MAST4: variants seen among roughly 807,000 people sequenced by gnomAD.
MAST4 encodes the protein microtubule associated serine/threonine kinase family member 4, also known as microtubule-associated serine/threonine-protein kinase 4.
Under a neutral mutation model 162.7 loss-of-function variants are expected in MAST4, and 89 were observed. That is an observed-to-expected ratio of 0.55 (90% CI 0.46 to 0.65). MAST4 has a LOEUF of 0.65. Among genes scored for constraint, MAST4 ranks in the 30% least tolerant of loss-of-function variants. MAST4 has a pLI of 0.00. For synonymous variants in MAST4, 1,479 were observed against 1,361.1 expected, an observed-to-expected ratio of 1.09 and a Z score of -1.91; for missense variants, 3,153 against 3,374.0, an observed-to-expected ratio of 0.93 and a Z score of 1.62.
intron 1 of MAST4, among the ~76,000 whole-genome samples, chr5:66,712,753 G>GA (rs1430014763): frequency 6.6e-6 from 1 of 151,960 alleles, no homozygotes; most frequent in Non-Finnish European, 1.5e-5. Context: ...CTTTTAGAAG[G>GA]AAAAAATAAA....
chr5:67,119,189 A>G (rs7723192), intron 13 of MAST4, among the ~76,000 whole-genome samples: 2,489 of 152,064 alleles, frequency 0.016, 43 homozygotes, highest in African/African-American at 0.044. Flanking sequence ...GAGGAGGTGT[A>G]TGGGTATATG....
chr5:67,054,928 G>C (rs1459598187), intron 5 of MAST4, among the ~76,000 whole-genome samples: 2 of 152,036 alleles, frequency 1.3e-5, no homozygotes, highest in Admixed American at 1.3e-4. Flanking sequence ...AGAGCCTTTG[G>C]CCTCAAGTAC....
intron 1 of MAST4, among the ~76,000 whole-genome samples, chr5:66,750,315 A>C (rs907826690): frequency 6.6e-6 from 1 of 152,240 alleles, no homozygotes; most frequent in African/African-American, 2.4e-5. Flanking sequence ...GAATAGGAAC[A>C]GCTCAGGTCT....
chr5:67,074,236 C>T (rs112695686), intron 5 of MAST4, among the ~76,000 whole-genome samples: 20 of 151,978 alleles, frequency 1.3e-4, no homozygotes, highest in African/African-American at 4.6e-4. Flanking sequence ...AAATGTACAT[C>T]AAAATGATGA....
chr5:66,866,569 C>T (rs544158), intron 3 of MAST4, among the ~76,000 whole-genome samples: 80,060 of 151,982 alleles, frequency 0.53, 22,806 homozygotes, highest in Non-Finnish European at 0.64. Context: ...GCTTTACTTA[C>T]GTTCAGGGAT....
intron 1 of MAST4, among the ~76,000 whole-genome samples, chr5:66,622,330 C>T (rs936004628): frequency 6.6e-6 from 1 of 151,000 alleles, no homozygotes. Flanking sequence ...TGGAGCAGAA[C>T]AAGTGTGGGA....
intron 4 of MAST4, among the ~76,000 whole-genome samples, chr5:67,016,689 C>A (rs1753321562): frequency 6.6e-6 from 1 of 152,182 alleles, no homozygotes; most frequent in Non-Finnish European, 1.5e-5. Flanking sequence ...TAAATTGAAG[C>A]TTTACTTATG....
At chr5:66,902,074 A>G (rs1354515496) in intron 4 of MAST4, among the ~76,000 whole-genome samples, 2 of 152,208 alleles carry the variant, frequency 1.3e-5, no homozygotes, top group African/African-American at 2.4e-5. Flanking sequence ...TACTGCATAC[A>G]TGCCTCCTCC....
At chr5:66,780,054 C>T (rs1006853053) in intron 2 of MAST4, among the ~76,000 whole-genome samples, 2 of 152,028 alleles carry the variant, frequency 1.3e-5, no homozygotes, top group African/African-American at 4.8e-5. Context: ...GGGGGGCAGG[C>T]AGGTTAAACA....
At chr5:67,087,410 C>G (rs1033022233) in intron 5 of MAST4, among the ~76,000 whole-genome samples, 1 of 152,200 alleles carries the variant, frequency 6.6e-6, no homozygotes, top group African/African-American at 2.4e-5. Flanking sequence ...TCCAGCATCT[C>G]TCTCTTGCCT....
At chr5:66,783,692 A>AC (rs1239280762) in intron 2 of MAST4, among the ~76,000 whole-genome samples, 1 of 152,116 alleles carries the variant, frequency 6.6e-6, no homozygotes, top group Non-Finnish European at 1.5e-5. Context: ...AATAAAATGT[A>AC]CATAATCATG....
intron 26 of MAST4, 105 bp downstream of exon 26, chr5:67,153,685 A>G (rs973112256): frequency 6.2e-5 from 67 of 1,086,486 alleles, no homozygotes; most frequent in Admixed American, 1.8e-4. Flanking sequence ...CTGATTACTG[A>G]GAAAGTATTC....
intron 4 of MAST4, among the ~76,000 whole-genome samples, chr5:67,020,319 A>G (rs984054173): frequency 3.3e-5 from 5 of 152,212 alleles, no homozygotes; most frequent in African/African-American, 1.2e-4. Flanking sequence ...AGGTTGTTTT[A>G]CAAAATTCTC....
chr5:67,075,318 G>A (rs115188986), intron 5 of MAST4, among the ~76,000 whole-genome samples: 5 of 151,772 alleles, frequency 3.3e-5, no homozygotes, highest in South Asian at 4.2e-4. Flanking sequence ...AACTACAGGC[G>A]TGTACCACCA....
intron 16 of MAST4, among the ~76,000 whole-genome samples, chr5:67,133,024 T>G (rs1395828142): frequency 6.6e-6 from 1 of 152,130 alleles, no homozygotes; most frequent in African/African-American, 2.4e-5. Flanking sequence ...TTTGCATGGG[T>G]AAGAAATATA....
intron 4 of MAST4, among the ~76,000 whole-genome samples, chr5:67,041,372 GATAATGTTTAC>G (rs1382044534): frequency 6.6e-6 from 1 of 152,110 alleles, no homozygotes; most frequent in African/African-American, 2.4e-5. Context: ...CTATAACTAG[GATAATGTTTAC>G]ATTTACCATC....
At chr5:66,630,241 A>G (rs1422394695) in intron 1 of MAST4, among the ~76,000 whole-genome samples, 1 of 152,230 alleles carries the variant, frequency 6.6e-6, no homozygotes, top group Admixed American at 6.5e-5. Context: ...TCTGGCCATC[A>G]GAATGCAGTG....
At chr5:66,624,926 C>T (rs1744325806) in intron 1 of MAST4, among the ~76,000 whole-genome samples, 1 of 152,130 alleles carries the variant, frequency 6.6e-6, no homozygotes, top group Non-Finnish European at 1.5e-5. Flanking sequence ...CAGGGAAAAC[C>T]TTGACCTTGG....
At chr5:66,837,888 ATATATATTT>A (rs1225495904) in intron 3 of MAST4, among the ~76,000 whole-genome samples, 91 of 34,850 alleles carry the variant, frequency 2.6e-3, no homozygotes, top group African/African-American at 5.3e-3. Flanking sequence ...ATATATATAT[ATATATATTT>A]TTTTTTTTTT....
Sources: gnomAD v4.1 joint callset for allele counts (sites outside exome capture counted in the v4.1 genomes callset) on GRCh38, gnomAD v4.1.1 for gene constraint, MANE v1.5 for transcripts, NCBI Gene and HGNC (gene_info 2026-07-23, HGNC 2026-07-21) for gene names.